Variants in NARS2 observed in about 807,000 individuals in gnomAD.
The protein encoded by NARS2 is asparaginyl-tRNA synthetase 2, mitochondrial.
In NARS2, 60 loss-of-function variants were observed where a neutral mutation model predicts 62.9. The observed-to-expected ratio is 0.95, with a 90% CI of 0.77 to 1.18. The LOEUF is 1.18. NARS2 is among the 50% of genes most tolerant of loss of function. The pLI is 0.00. For synonymous variants in NARS2, 196 were observed against 200.0 expected (o/e 0.98, Z 0.17); for missense variants, 619 against 576.4 (o/e 1.07, Z -0.76).
At chr11:78,485,409 A>C (rs1859528762) in intron 7 of NARS2, among the ~76,000 whole-genome samples, 1 of 152,154 alleles carries the variant, frequency 6.6e-6, no homozygotes, top group African/African-American at 2.4e-5. Context: ...AAAAAAAACA[A>C]AAAAAACTCT....
chr11:78,517,936 T>A (rs1194490896), intron 6 of NARS2, among the ~76,000 whole-genome samples: 1 of 152,176 alleles, frequency 6.6e-6, no homozygotes, highest in Non-Finnish European at 1.5e-5. Context: ...TTCACACACA[T>A]TCAGTTAACA....
At chr11:78,503,810 T>A (rs1023942868) in intron 6 of NARS2, among the ~76,000 whole-genome samples, 1 of 152,136 alleles carries the variant, frequency 6.6e-6, no homozygotes, top group African/African-American at 2.4e-5. Flanking sequence ...AAATCCCTCT[T>A]CATTTTCCCT....
At chr11:78,516,573 T>G (rs1320851462) in intron 6 of NARS2, among the ~76,000 whole-genome samples, 2 of 152,210 alleles carry the variant, frequency 1.3e-5, no homozygotes, top group Non-Finnish European at 2.9e-5. Context: ...AAGGTTGAAA[T>G]TATATCTGTC....
intron 6 of NARS2, among the ~76,000 whole-genome samples, chr11:78,500,481 TA>T (rs1590782649): frequency 6.6e-6 from 1 of 152,194 alleles, no homozygotes; most frequent in Non-Finnish European, 1.5e-5. Context: ...TTTATTTATT[TA>T]TTTTTTTTTG....
At chr11:78,480,573 T>C (rs535112894) in intron 7 of NARS2, among the ~76,000 whole-genome samples, 4 of 151,324 alleles carry the variant, frequency 2.6e-5, no homozygotes, top group Non-Finnish European at 5.9e-5. Flanking sequence ...TACATTCTAT[T>C]ACTATGGTCA....
intron 6 of NARS2, among the ~76,000 whole-genome samples, chr11:78,515,686 TA>T (rs113972804): frequency 7.3e-4 from 102 of 138,932 alleles, no homozygotes; most frequent in South Asian, 2.1e-3. Context: ...CCTGGCTGAT[TA>T]AAAAAAAAAA....
intron 6 of NARS2, among the ~76,000 whole-genome samples, chr11:78,525,390 T>C (rs534498012): frequency 6.6e-6 from 1 of 152,216 alleles, no homozygotes; most frequent in African/African-American, 2.4e-5. Flanking sequence ...TGAGGCATCT[T>C]GCAGTAGCAG....
At chr11:78,563,816 G>A (rs1255739375) in intron 4 of NARS2, among the ~76,000 whole-genome samples, 3 of 83,832 alleles carry the variant, frequency 3.6e-5, no homozygotes, top group Non-Finnish European at 6.3e-5. Flanking sequence ...GGGCAACAGA[G>A]TGAACTCTGT....
Position 78,571,370 on chromosome 11 carries a change from G to C in NARS2, c.216C>G (p.Ser72Arg). ...LHVNDGSSLE[S>R]LQVVADSGLD... ...GGCCTGAATCTGCAACAACCTGAAG[G>C]CTTTCCAAAGATGACCCATCATTTA... is the stretch of plus-strand genomic sequence containing the variant. Residue 72 changes from serine to arginine, a missense_variant, in exon 2 of 14, where the codon AGC becomes AGG. By Grantham distance (110) the Ser-to-Arg change is moderately radical. Coordinates refer to ENST00000281038, the MANE Select transcript of NARS2 (RefSeq NM_024678.6). 1 of 1,613,356 alleles carries C rather than the reference G, an allele frequency of 6.2e-7. No individual in the cohort carries two copies. The highest frequency in any genetic ancestry group is 8.5e-7 in the Non-Finnish European group (1 of 1,179,738).
At chr11:78,455,813 T>TA (rs1357997779) in intron 11 of NARS2, among the ~76,000 whole-genome samples, 4 of 151,884 alleles carry the variant, frequency 2.6e-5, no homozygotes, top group Admixed American at 6.6e-5. Context: ...CATGAGTGAC[T>TA]ATACTGCTGC....
chr11:78,470,416 G>A (rs756911717), intron 9 of NARS2, among the ~76,000 whole-genome samples: 16 of 152,014 alleles, frequency 1.1e-4, no homozygotes, highest in Admixed American at 2.0e-4. Context: ...TTGGTATTGT[G>A]AACATCCCTC....
intron 9 of NARS2, among the ~76,000 whole-genome samples, chr11:78,477,952 C>T (rs144987504): frequency 6.0e-4 from 91 of 152,258 alleles, no homozygotes; most frequent in African/African-American, 2.2e-3. Context: ...CGCCCTCAAA[C>T]GTGGTTGGTC....
At position 78,556,875 on chromosome 11, in the gene NARS2, T is replaced by C. The variant is rs139558174; in HGVS notation, c.594+2664A>G. On this transcript the variant is annotated intron_variant, in intron 5 of 13. Coordinates refer to ENST00000281038, the MANE Select transcript of NARS2 (RefSeq NM_024678.6). ...AAACGTGTACAAACAAGGAATTTTG[T>C]AGGATAAGTAACATCAACAGTGAAT... 2.2e-4 allele frequency among the ~76,000 whole-genome samples: 34 copies of C among 152,348 alleles called. No homozygotes were observed. The East Asian group carries it at 6.4e-3, about 29-fold the overall frequency.
chr11:78,574,293 T>C, intron 1 of NARS2, 55 bp downstream of exon 1: 1 of 1,606,398 alleles, frequency 6.2e-7, no homozygotes, highest in Non-Finnish European at 8.5e-7. Context: ...TAGATGTGGA[T>C]GTGCCATATA....
chr11:78,524,885 A>C (rs181822076), intron 6 of NARS2, among the ~76,000 whole-genome samples: 46 of 152,256 alleles, frequency 3.0e-4, no homozygotes, highest in Non-Finnish European at 6.5e-4. Context: ...CAAAACTTGG[A>C]AACAACCAAA....
At chr11:78,468,060 A>G (rs1343387344) in intron 10 of NARS2, among the ~76,000 whole-genome samples, 1 of 150,754 alleles carries the variant, frequency 6.6e-6, no homozygotes, top group Non-Finnish European at 1.5e-5. Context: ...AAAAAAAAGA[A>G]TTCTTGGCTG....
intron 7 of NARS2, among the ~76,000 whole-genome samples, chr11:78,488,597 T>C (rs1390718618): frequency 6.6e-6 from 1 of 152,212 alleles, no homozygotes; most frequent in Non-Finnish European, 1.5e-5. Flanking sequence ...TTCGAGTTGT[T>C]TTAACCCACC....
chr11:78,548,719 C>T (rs1181232102), intron 5 of NARS2, among the ~76,000 whole-genome samples: 2 of 152,048 alleles, frequency 1.3e-5, no homozygotes, highest in African/African-American at 4.8e-5. Context: ...CCTGTTTTTC[C>T]TCCTCCCTTC....
chr11:78,489,689 C>T (rs1859734341), intron 7 of NARS2, among the ~76,000 whole-genome samples: 1 of 152,104 alleles, frequency 6.6e-6, no homozygotes, highest in South Asian at 2.1e-4. Context: ...TAACCAAGAT[C>T]TGTATAATGA....
Sources: gnomAD v4.1 joint callset for allele counts (sites outside exome capture counted in the v4.1 genomes callset) on GRCh38, gnomAD v4.1.1 for gene constraint, MANE v1.5 for transcripts, NCBI Gene and HGNC (gene_info 2026-07-23, HGNC 2026-07-21) for gene names.